Variants in ATP2C1 observed in about 807,000 individuals in gnomAD.
ATP2C1 encodes calcium-transporting ATPase type 2C member 1.
Under a neutral mutation model 120.5 loss-of-function variants are expected in ATP2C1, and 31 were observed. The ratio of observed to expected loss-of-function variants is 0.26; its 90% CI spans 0.19 to 0.35. The LOEUF (loss-of-function observed/expected upper bound fraction) is 0.35, where lower values mean the gene tolerates loss of function less well. Among genes scored for constraint, ATP2C1 ranks in the 10% least tolerant of loss-of-function variants. The pLI is 1.00. For synonymous variants in ATP2C1, 351 were observed against 358.7 expected (o/e 0.98, Z 0.24); for missense variants, 731 against 1,107.5 (o/e 0.66, Z 4.83).
At chr3:130,874,355 A>C (rs933574217) in intron 1 of ATP2C1, among the ~76,000 whole-genome samples, 2 of 152,234 alleles carry the variant, frequency 1.3e-5, no homozygotes, top group African/African-American at 4.8e-5. Context: ...AAAAACAGAC[A>C]CACTTCTTAT....
In ATP2C1 at chr3:130,905,464, A is replaced by C. The variant is rs2058080044; in HGVS notation, c.6+10689A>C. 2.0e-5 allele frequency among the ~76,000 whole-genome samples: 3 copies of C among 152,076 alleles called. No homozygotes were observed. The South Asian group carries it at 6.2e-4, about 31-fold the overall frequency. On this transcript the variant is annotated intron_variant, in intron 2 of 27. Coordinates refer to ENST00000510168, the MANE Select transcript of ATP2C1 (RefSeq NM_001378687.1). ...TTACTTGTTTCATCCGAGTACACACAAACAAAAGTAGTTTTAGAATTAGTG... is the reference window on the plus strand; with the variant it reads ...TTACTTGTTTCATCCGAGTACACACCAACAAAAGTAGTTTTAGAATTAGTG...
At chr3:130,922,546 C>T (rs2059017728) in intron 2 of ATP2C1, among the ~76,000 whole-genome samples, 2 of 151,968 alleles carry the variant, frequency 1.3e-5, no homozygotes, top group African/African-American at 4.8e-5. Context: ...GAGGTGTGAC[C>T]TTAGATTGTC....
At chr3:130,878,894 G>A (rs2068692319) in intron 1 of ATP2C1, among the ~76,000 whole-genome samples, 1 of 152,048 alleles carries the variant, frequency 6.6e-6, no homozygotes, top group African/African-American at 2.4e-5. Context: ...AGATCTTTGA[G>A]CTTCCAGTAT....
chr3:130,901,659 G>A (rs1459380924), intron 2 of ATP2C1, among the ~76,000 whole-genome samples: 2 of 152,076 alleles, frequency 1.3e-5, no homozygotes, highest in Non-Finnish European at 2.9e-5. Flanking sequence ...ATATAGGTCA[G>A]ACTGTCATGA....
At chr3:130,905,482 A>T (rs1169467496) in intron 2 of ATP2C1, among the ~76,000 whole-genome samples, 1 of 152,112 alleles carries the variant, frequency 6.6e-6, no homozygotes, top group Non-Finnish European at 1.5e-5. Context: ...GTAGTTTTAG[A>T]ATTAGTGACC....
chr3:131,003,045 T>C lies in ATP2C1; in HGVS notation c.*1695T>C. 1 of 985,804 alleles carries C rather than the reference T, an allele frequency of 1.0e-6. No homozygotes were observed. The highest frequency in any genetic ancestry group is 1.2e-6 in the Non-Finnish European group (1 of 829,854). 61.1% of individuals were successfully genotyped at this position (985,804 alleles called of 1,614,324 possible). ...GAAATACGTATTAAATGCACGTTAATGTTTTGCTTTGCATTTTAGGTTCAG... is the reference window on the plus strand; with the variant it reads ...GAAATACGTATTAAATGCACGTTAACGTTTTGCTTTGCATTTTAGGTTCAG... On this transcript the variant is annotated 3_prime_UTR_variant, in exon 28 of 28. Coordinates refer to ENST00000510168, the MANE Select transcript of ATP2C1 (RefSeq NM_001378687.1).
Position 130,965,039 on chromosome 3 carries a change from T to A in ATP2C1, c.1116T>A (p.His372Gln), listed in dbSNP as rs1360615055. The part of the protein sequence containing the change: ...VTHIFTSDGL[H>Q]AEVTGVGYNQ... ...ACATATTTACTTCAGATGGTCTGCA[T>A]GCTGAGGTACTCTATAGGTTTTTAA... Residue 372 changes from histidine (H) to glutamine (Q), a missense_variant, in exon 14 of 28, where the codon CAT becomes CAA. Coordinates refer to ENST00000510168, the MANE Select transcript of ATP2C1 (RefSeq NM_001378687.1). 1 of 1,605,588 alleles carries A rather than the reference T, an allele frequency of 6.2e-7. No homozygotes were observed.
At chr3:130,973,326 TGGAGAG>T (rs1210121226) in intron 17 of ATP2C1, among the ~76,000 whole-genome samples, 3 of 151,928 alleles carry the variant, frequency 2.0e-5, no homozygotes, top group East Asian at 3.9e-4. Flanking sequence ...TGAGGACACT[TGGAGAG>T]GGAGAATTCG....
chr3:130,859,705 C>T lies in ATP2C1; in HGVS notation c.108+8777C>T, dbSNP rs144412710. ...CAGACAAGCCTAAGAGACACCTGGA[C>T]CCTGGGTTGATTTCTGAGCTATTTT... On this transcript the variant is annotated intron_variant, in intron 1 of 26. Transcript: ENST00000504381. Among the ~76,000 whole-genome samples the T allele has an allele frequency of 4.6e-5, 7 of 152,176 alleles. No homozygotes were observed. In the East Asian group the frequency reaches 1.4e-3, roughly 30 times the overall value.
chr3:130,860,266 C>T (rs897882961), intron 1 of ATP2C1, among the ~76,000 whole-genome samples: 5 of 152,162 alleles, frequency 3.3e-5, no homozygotes, highest in African/African-American at 9.6e-5. Context: ...CATATTTTTG[C>T]ACCTTGTACA....
At chr3:130,854,510 G>T (rs975221069) in intron 1 of ATP2C1, among the ~76,000 whole-genome samples, 3 of 152,190 alleles carry the variant, frequency 2.0e-5, no homozygotes, top group African/African-American at 7.2e-5. Context: ...AGACTTGCAG[G>T]CAATGTTCCC....
intron 8 of ATP2C1, among the ~76,000 whole-genome samples, chr3:130,952,942 G>T (rs1559966983): frequency 6.6e-6 from 1 of 152,130 alleles, no homozygotes; most frequent in Admixed American, 6.5e-5. Context: ...CAGAAGCTTT[G>T]CTGTATATCT....
chr3:130,998,253 T>A, intron 25 of ATP2C1, 41 bp from the exon 26 acceptor site: 1 of 1,308,638 alleles, frequency 7.6e-7, no homozygotes, highest in Non-Finnish European at 1.1e-6. Context: ...ATCCATTAAA[T>A]TCAGCCACTG....
intron 20 of ATP2C1, among the ~76,000 whole-genome samples, chr3:130,990,277 C>CCA (rs1553779046): frequency 7.4e-6 from 1 of 135,470 alleles, no homozygotes; most frequent in Non-Finnish European, 1.6e-5. Context: ...GAGCAACCCC[C>CCA]CCCCCCACAA....
At chr3:130,860,019 C>T (rs1392460973) in intron 1 of ATP2C1, among the ~76,000 whole-genome samples, 4 of 152,312 alleles carry the variant, frequency 2.6e-5, no homozygotes, top group Admixed American at 2.6e-4. Context: ...GGTCTTTAAT[C>T]ACCTCCTCAT....
intron 1 of ATP2C1, among the ~76,000 whole-genome samples, chr3:130,870,761 G>A (rs2068403370): frequency 6.6e-6 from 1 of 152,174 alleles, no homozygotes; most frequent in Non-Finnish European, 1.5e-5. Context: ...TGATGACAAA[G>A]GATTTAGAGT....
chr3:130,995,541 A>G (rs1208077030), intron 22 of ATP2C1, among the ~76,000 whole-genome samples: 1 of 152,240 alleles, frequency 6.6e-6, no homozygotes, highest in East Asian at 1.9e-4. Flanking sequence ...TAATATTGTG[A>G]CAAATTAGTT....
downstream of ATP2C1, among the ~76,000 whole-genome samples, chr3:131,003,855 C>T (rs978759745): frequency 4.6e-5 from 7 of 152,200 alleles, no homozygotes; most frequent in African/African-American, 1.7e-4. Flanking sequence ...AATAGTTTCT[C>T]ACTGAAATGA....
intron 8 of ATP2C1, among the ~76,000 whole-genome samples, chr3:130,952,664 T>G (rs1042579257): frequency 6.6e-6 from 1 of 152,180 alleles, no homozygotes; most frequent in Non-Finnish European, 1.5e-5. Context: ...CTAACACTGA[T>G]AGTCAGTAAA....
Sources: gnomAD v4.1 joint callset for allele counts (sites outside exome capture counted in the v4.1 genomes callset) on GRCh38, gnomAD v4.1.1 for gene constraint, MANE v1.5 for transcripts, NCBI Gene and HGNC (gene_info 2026-07-23, HGNC 2026-07-21) for gene names.